DNM1L: variants seen among roughly 807,000 people sequenced by gnomAD.
The protein encoded by DNM1L is dynamin-1-like protein.
DNM1L carries 33 observed loss-of-function variants against 92.8 expected under a neutral mutation model. The observed-to-expected ratio is 0.36, with a 90% CI of 0.27 to 0.48. The LOEUF (loss-of-function observed/expected upper bound fraction) is 0.48, where lower values mean the gene tolerates loss of function less well. Ranked by LOEUF, DNM1L falls within the 20% of genes least tolerant of loss-of-function variation. DNM1L has a pLI of 0.99. For missense variants in DNM1L, 485 were observed against 888.8 expected (o/e 0.55, Z 5.78); for synonymous variants, 284 against 305.0 (o/e 0.93, Z 0.72).
chr12:32,707,488 C>T, intron 3 of DNM1L, 75 bp downstream of exon 3: 1 of 1,060,038 alleles, frequency 9.4e-7, no homozygotes, highest in Non-Finnish European at 1.3e-6. Context: ...AATTTAGTTT[C>T]TAATCATTGG....
At chr12:32,698,234 A>G (rs1218430506) in intron 1 of DNM1L, among the ~76,000 whole-genome samples, 2 of 152,160 alleles carry the variant, frequency 1.3e-5, no homozygotes, top group Non-Finnish European at 2.9e-5. Flanking sequence ...ACCTTTCTGG[A>G]CAACATGAAT....
rs535085351 is a variant in DNM1L at position 32,685,550 on chromosome 12, C to T, written c.102+6085C>T. ...CTACTTTTTGTATTTTTAGTAGAGG[C>T]GAGGGTTTCCTTATATTGGTCAGGC... On this transcript the variant is annotated intron_variant, in intron 1 of 19. Coordinates refer to ENST00000549701, the MANE Select transcript of DNM1L (RefSeq NM_012062.5). Among the ~76,000 whole-genome samples, 162 of 151,328 alleles carry T rather than the reference C, an allele frequency of 1.1e-3. 1 individual carries two copies. The Middle Eastern group carries it at 0.017, about 16-fold the overall frequency.
intron 18 of DNM1L, 46 bp downstream of exon 18, chr12:32,740,564 G>T (rs201656824): frequency 1.4e-6 from 2 of 1,478,886 alleles, no homozygotes; most frequent in Admixed American, 1.8e-5. Flanking sequence ...ACTTCTGGAT[G>T]ATTCTGTGAT....
rs1954569386 is a variant in DNM1L at position 32,731,795 on chromosome 12, C to A, written c.1357-59C>A. The A allele has an allele frequency of 7.5e-7, 1 of 1,328,886 alleles. No individual in the cohort carries two copies. The highest frequency in any genetic ancestry group is 1.1e-6 in the Non-Finnish European group (1 of 931,616). The allele number at this position is 1,328,886 out of a possible 1,614,324, so 82.3% of individuals were successfully genotyped here. On this transcript the variant is annotated intron_variant, in intron 11 of 19. Transcript: ENST00000549701. The surrounding 1 kb of genome is among the most constrained non-coding windows in gnomAD (Gnocchi z 5.1). ...AAGGTGGGAGGATGGCTTAGTGAGA[C>A]TATGACTTAAAAAAAAAACAAAAAA...
rs921828538 is a variant in DNM1L at position 32,744,955 on chromosome 12, T to A, written c.*1545T>A. 6 of 518,670 alleles carry A rather than the reference T, an allele frequency of 1.2e-5. No individual in the cohort carries two copies. The highest frequency in any genetic ancestry group is 1.2e-4 in the African/African-American group (6 of 51,942). 32.1% of individuals were successfully genotyped at this position (518,670 alleles called of 1,614,324 possible). ...TTTATATTGCAGATATTACTTTTTT[T>A]TCAGTTTATGACCAGGTATTTATGA... On this transcript the variant is annotated 3_prime_UTR_variant, in exon 20 of 20. Transcript: ENST00000549701.
intron 1 of DNM1L, among the ~76,000 whole-genome samples, chr12:32,700,602 A>G (rs1952662585): frequency 6.6e-6 from 1 of 151,928 alleles, no homozygotes; most frequent in South Asian, 2.1e-4. Context: ...AAAATTAGCC[A>G]GGTATAGTAG....
chr12:32,742,342 A>T (rs1359533630), intron 18 of DNM1L, among the ~76,000 whole-genome samples: 1 of 152,116 alleles, frequency 6.6e-6, no homozygotes, highest in Non-Finnish European at 1.5e-5. Context: ...GGCCTCAAGC[A>T]GTCCACCCGC....
chr12:32,684,572 G>A (rs1287083522), intron 1 of DNM1L, among the ~76,000 whole-genome samples: 1 of 151,206 alleles, frequency 6.6e-6, no homozygotes, highest in Non-Finnish European at 1.5e-5. Flanking sequence ...TTCACCTTCC[G>A]GGTTCAGGTG....
At chr12:32,722,389 ATTTTAC>A (rs1953850367) in intron 8 of DNM1L, 32 bp from the exon 9 acceptor site, 1 of 1,582,630 alleles carries the variant, frequency 6.3e-7, no homozygotes, top group Non-Finnish European at 8.6e-7. Flanking sequence ...AGAATACACA[ATTTTAC>A]TTTTAAATCC....
chr12:32,708,087 C>T (rs866026897), intron 3 of DNM1L, 66 bp from the exon 4 acceptor site: 22 of 873,274 alleles, frequency 2.5e-5, no homozygotes, highest in Middle Eastern at 2.2e-4. Flanking sequence ...TATGGACTCC[C>T]CCTCCAGCTT....
intron 9 of DNM1L, among the ~76,000 whole-genome samples, chr12:32,724,971 A>G (rs1334945602): frequency 5.9e-5 from 9 of 152,128 alleles, no homozygotes; most frequent in Admixed American, 5.9e-4. Flanking sequence ...TCAAGCAATA[A>G]GAATTAGAAG....
chr12:32,701,279 A>C (rs1952688651), intron 1 of DNM1L, 136 bp from the exon 2 acceptor site: 1 of 732,164 alleles, frequency 1.4e-6, no homozygotes, highest in Non-Finnish European at 2.1e-6. Flanking sequence ...TCCGTCTCAA[A>C]AAAAAAAAAA....
chr12:32,727,635 A>G (rs1193399944), intron 9 of DNM1L: 1 of 318,850 alleles, frequency 3.1e-6, no homozygotes, highest in East Asian at 5.7e-5. Context: ...CCTATACTAC[A>G]TGTCTTTAAA....
intron 1 of DNM1L, among the ~76,000 whole-genome samples, chr12:32,693,949 C>T (rs563439227): frequency 1.3e-5 from 2 of 152,074 alleles, no homozygotes; most frequent in African/African-American, 4.8e-5. Context: ...TTTCCATCAC[C>T]TTTAAACTAA....
At chr12:32,739,847 C>T in intron 16 of DNM1L, 1 of 573,594 alleles carries the variant, frequency 1.7e-6, no homozygotes, top group Non-Finnish European at 3.0e-6. Context: ...TGGTTGATGC[C>T]TTGCAAACAA....
chr12:32,684,822 A>G (rs1282832852), intron 1 of DNM1L, among the ~76,000 whole-genome samples: 2 of 152,134 alleles, frequency 1.3e-5, no homozygotes, highest in African/African-American at 4.8e-5. Context: ...ATTACATTGT[A>G]TAGATACAGC....
chr12:32,691,140 C>T (rs998621879), intron 1 of DNM1L, among the ~76,000 whole-genome samples: 4 of 152,026 alleles, frequency 2.6e-5, no homozygotes, highest in Non-Finnish European at 5.9e-5. Flanking sequence ...TTCCTTGGCT[C>T]GTAGATGGCT....
chr12:32,696,383 A>ACACAC (rs1952454585), intron 1 of DNM1L, among the ~76,000 whole-genome samples: 7 of 145,014 alleles, frequency 4.8e-5, no homozygotes, highest in Non-Finnish European at 9.1e-5. Context: ...CACACACACA[A>ACACAC]ACACACACAC....
chr12:32,731,759 C>G lies in DNM1L; in HGVS notation c.1357-95C>G, dbSNP rs1031511463. 4.5e-6 allele frequency: 5 copies of G among 1,108,788 alleles called. No individual in the cohort carries two copies. In the African/African-American group the frequency reaches 4.7e-5, roughly 10 times the overall value. 68.7% of individuals were successfully genotyped at this position (1,108,788 alleles called of 1,614,324 possible). On this transcript the variant is annotated intron_variant, in intron 11 of 19. Transcript: ENST00000549701. The surrounding 1 kb of genome is among the most constrained non-coding windows in gnomAD (Gnocchi z 5.1). ...TGGCTTCTACATGTAGTCTCAGCTACTTGGGAGGCTAAGGTGGGAGGATGG... is the reference window on the plus strand; with the variant it reads ...TGGCTTCTACATGTAGTCTCAGCTAGTTGGGAGGCTAAGGTGGGAGGATGG...
Sources: allele counts gnomAD v4.1 joint callset (sites outside exome capture counted in the v4.1 genomes callset), GRCh38; gene constraint gnomAD v4.1.1; non-coding constraint Gnocchi (gnomAD v3.1); transcripts MANE v1.5; gene names NCBI Gene and HGNC (gene_info 2026-07-23, HGNC 2026-07-21).